The following SGCZ variants were observed in gnomAD, a reference collection of about 807,000 sequenced individuals.
SGCZ encodes sarcoglycan zeta.
SGCZ carries 40 observed loss-of-function variants against 41.3 expected under a neutral mutation model. That is an observed-to-expected ratio of 0.97 (90% CI 0.75 to 1.26). SGCZ has a LOEUF of 1.26. SGCZ is among the 50% of genes most tolerant of loss of function. The pLI is 0.00. For missense variants in SGCZ, 552 were observed against 369.8 expected, an observed-to-expected ratio of 1.49 and a Z score of -4.04; for synonymous variants, 206 against 137.5, an observed-to-expected ratio of 1.50 and a Z score of -3.49.
chr8:15,063,560 C>A (rs1563478969), intron 1 of SGCZ, among the ~76,000 whole-genome samples: 1 of 152,150 alleles, frequency 6.6e-6, no homozygotes, highest in East Asian at 1.9e-4. Flanking sequence ...TTTTAAAAAT[C>A]TCTTTCAAAG....
chr8:14,709,757 G>T (rs1809453839), intron 1 of SGCZ, among the ~76,000 whole-genome samples: 2 of 151,756 alleles, frequency 1.3e-5, no homozygotes, highest in Non-Finnish European at 2.9e-5. Context: ...CATCCATTCT[G>T]GTACATTGCA....
intron 6 of SGCZ, among the ~76,000 whole-genome samples, chr8:14,103,507 G>GTTGT (rs1179871131): frequency 6.6e-6 from 1 of 152,194 alleles, no homozygotes; most frequent in East Asian, 1.9e-4. Flanking sequence ...TGAATTCAGA[G>GTTGT]TTGTTTTGCA....
intron 3 of SGCZ, among the ~76,000 whole-genome samples, chr8:14,253,084 G>A (rs1310459041): frequency 6.6e-6 from 1 of 152,110 alleles, no homozygotes; most frequent in East Asian, 1.9e-4. Flanking sequence ...AAGAAGGCTA[G>A]AGTATGGAGG....
chr8:15,012,154 G>A, intron 1 of SGCZ, among the ~76,000 whole-genome samples: 1 of 152,010 alleles, frequency 6.6e-6, no homozygotes. Context: ...TAATCCAACA[G>A]GTGAAGGTAT....
At chr8:14,490,118 G>C (rs1202858598) in intron 2 of SGCZ, among the ~76,000 whole-genome samples, 3 of 151,956 alleles carry the variant, frequency 2.0e-5, no homozygotes, top group Admixed American at 6.6e-5. Context: ...CACCCGCCTT[G>C]GCCTTCAAAA....
intron 2 of SGCZ, among the ~76,000 whole-genome samples, chr8:14,330,603 T>A (rs1802282589): frequency 6.6e-6 from 1 of 151,738 alleles, no homozygotes; most frequent in African/African-American, 2.4e-5. Flanking sequence ...AATTTAAATT[T>A]AAAATGACTG....
chr8:15,224,649 G>T (rs949326760), intron 1 of SGCZ, among the ~76,000 whole-genome samples: 2 of 152,006 alleles, frequency 1.3e-5, no homozygotes, highest in African/African-American at 2.4e-5. Context: ...TTATCCAAAC[G>T]GATTTCTAAA....
intron 2 of SGCZ, among the ~76,000 whole-genome samples, chr8:14,486,305 G>A (rs1801672921): frequency 6.6e-6 from 1 of 152,088 alleles, no homozygotes; most frequent in Non-Finnish European, 1.5e-5. Context: ...GAGTATGCAT[G>A]GTAGTAAGAA....
intron 3 of SGCZ, among the ~76,000 whole-genome samples, chr8:14,320,083 G>A (rs1801864589): frequency 6.6e-6 from 1 of 151,650 alleles, no homozygotes; most frequent in Non-Finnish European, 1.5e-5. Flanking sequence ...ATATACCGGT[G>A]ATATGTTCAT....
intron 1 of SGCZ, among the ~76,000 whole-genome samples, chr8:14,757,672 A>G (rs916894742): frequency 1.3e-5 from 2 of 152,202 alleles, no homozygotes; most frequent in Middle Eastern, 3.2e-3. Context: ...GTTTCACAGC[A>G]ACTCTAGCCA....
chr8:14,879,173 A>T (rs923786578), intron 1 of SGCZ: 1 of 152,056 alleles, frequency 6.6e-6, no homozygotes, highest in Non-Finnish European at 1.5e-5. Flanking sequence ...AAAAAAATTT[A>T]AAAAGTTAGC....
chr8:15,126,935 G>A (rs929665234), intron 1 of SGCZ, among the ~76,000 whole-genome samples: 4 of 152,152 alleles, frequency 2.6e-5, no homozygotes, highest in Non-Finnish European at 4.4e-5. Flanking sequence ...AGTAGACTGT[G>A]CTCATGGTCT....
chr8:14,236,906 A>G (rs142399309), intron 4 of SGCZ, among the ~76,000 whole-genome samples: 11 of 151,946 alleles, frequency 7.2e-5, no homozygotes, highest in Admixed American at 2.6e-4. Flanking sequence ...TGAGAAAAAA[A>G]TTAATACTTC....
intron 1 of SGCZ, among the ~76,000 whole-genome samples, chr8:14,561,558 T>C (rs1330551911): frequency 1.3e-5 from 2 of 152,318 alleles, no homozygotes; most frequent in Middle Eastern, 3.4e-3. Flanking sequence ...CTTTTTATTT[T>C]AGTTTTGCCA....
chr8:15,071,054 T>C lies in SGCZ; in HGVS notation c.39+166531A>G, dbSNP rs549718658. 4.6e-5 allele frequency among the ~76,000 whole-genome samples: 7 copies of C among 152,194 alleles called. No individual in the cohort carries two copies. The South Asian group carries it at 6.2e-4, about 13-fold the overall frequency. ...ACCTAAGAAGAAATCTGACTTCTCA[T>C]GAATGCTGTTTTATTTTTCAAGGGA... On this transcript the variant is annotated intron_variant, in intron 1 of 7. Transcript: ENST00000382080.
intron 1 of SGCZ, among the ~76,000 whole-genome samples, chr8:14,761,501 CTAT>C (rs911409594): frequency 4.7e-5 from 7 of 149,032 alleles, no homozygotes; most frequent in Non-Finnish European, 1.0e-4. Flanking sequence ...GTACATGTTT[CTAT>C]TATTATTATT....
At chr8:14,722,343 AT>A (rs1809913154) in intron 1 of SGCZ, among the ~76,000 whole-genome samples, 1 of 152,070 alleles carries the variant, frequency 6.6e-6, no homozygotes, top group African/African-American at 2.4e-5. Flanking sequence ...CTAAGCAATA[AT>A]TTTCAAAAGC....
intron 1 of SGCZ, among the ~76,000 whole-genome samples, chr8:15,225,308 CA>C (rs57670651): frequency 0.083 from 12,372 of 149,628 alleles, 592 homozygotes; most frequent in African/African-American, 0.13. Flanking sequence ...TATAGGAACA[CA>C]AAAAAAAAGA....
chr8:14,455,594 C>T (rs893186959), intron 2 of SGCZ, among the ~76,000 whole-genome samples: 1 of 152,136 alleles, frequency 6.6e-6, no homozygotes, highest in African/African-American at 2.4e-5. Flanking sequence ...CCTGGAATCC[C>T]ACTTCTAGTA....
Sources: allele counts gnomAD v4.1 joint callset (sites outside exome capture counted in the v4.1 genomes callset), GRCh38; gene constraint gnomAD v4.1.1; transcripts MANE v1.5; gene names NCBI Gene and HGNC (gene_info 2026-07-23, HGNC 2026-07-21).